The following ZBTB21 variants were observed in gnomAD, a reference collection of about 807,000 sequenced individuals.
ZBTB21 encodes zinc finger and BTB domain-containing protein 21.
In ZBTB21, 10 loss-of-function variants were observed where a neutral mutation model predicts 39.8. The ratio of observed to expected loss-of-function variants is 0.25; its 90% CI spans 0.16 to 0.43. The LOEUF (loss-of-function observed/expected upper bound fraction) is 0.43, where lower values mean the gene tolerates loss of function less well. Ranked by LOEUF, ZBTB21 falls within the 20% of genes least tolerant of loss-of-function variation. ZBTB21 has a pLI of 1.00. For synonymous variants in ZBTB21, 551 were observed against 498.8 expected (o/e 1.10, Z -1.40); for missense variants, 1,221 against 1,296.3 (o/e 0.94, Z 0.89).
At chr21:42,010,130 GAA>G (rs1177696993) in intron 1 of ZBTB21, 120 bp downstream of exon 1, 3 of 388,650 alleles carry the variant, frequency 7.7e-6, no homozygotes, top group Non-Finnish European at 1.4e-5. Flanking sequence ...CGCTGGTGGA[GAA>G]AAAAGAGGAG....
In ZBTB21 at chr21:41,993,901, C is replaced by T. The variant is rs758118890; in HGVS notation, c.195G>A (p.Glu65=). 7 of 1,614,078 alleles carry T rather than the reference C, an allele frequency of 4.3e-6. No homozygotes were observed. Among genetic ancestry groups the T allele is most frequent in the Non-Finnish European group, 5.1e-6 (6 of 1,179,972 alleles). The change falls in exon 3 of 3, where the codon GAG becomes GAA. Residue 65 remains glutamate, a synonymous_variant. Coordinates refer to ENST00000310826, the MANE Select transcript of ZBTB21 (RefSeq NM_001098402.2). ...FQSLFTNKEN[E]SQTVFQLDFC... ...AGTCAAGCTGAAATACAGTTTGTGACTCATTTTCCTTATTTGTGAATAAAC... is the reference window on the plus strand; with the variant it reads ...AGTCAAGCTGAAATACAGTTTGTGATTCATTTTCCTTATTTGTGAATAAAC...
chr21:42,002,666 TA>T (rs922026953), intron 2 of ZBTB21: 1 of 152,150 alleles, frequency 6.6e-6, no homozygotes, highest in African/African-American at 2.4e-5. Flanking sequence ...ATCTTACACA[TA>T]AACACGCACT....
chr21:41,992,763 G>A lies in ZBTB21; in HGVS notation c.1333C>T (p.Arg445Cys), dbSNP rs778362506. The A allele has an allele frequency of 2.2e-5, 35 of 1,613,966 alleles. No homozygotes were observed. Among genetic ancestry groups the A allele is most frequent in the East Asian group, 4.5e-5 (2 of 44,892 alleles). ...GTTGCCGCATCTCCCACAGTGACGC[G>A]GATGATGTCCGAGGGGTCCGACAGC... The part of the protein sequence containing the change: ...SPLSDPSDII[R>C]VTVGDAATTA... The change falls in exon 3 of 3, where the codon CGC (arginine) becomes TGC (cysteine). Residue 445 changes from arginine to cysteine, a missense_variant. Transcript: ENST00000310826. The surrounding 1 kb of genome is among the most constrained non-coding windows in gnomAD (Gnocchi z 4.1).
chr21:42,003,272 G>A (rs916457437), intron 1 of ZBTB21, among the ~76,000 whole-genome samples: 8 of 152,210 alleles, frequency 5.3e-5, no homozygotes, highest in African/African-American at 1.9e-4. Context: ...TCCCCTCACA[G>A]ATGCTTGCGT....
chr21:42,004,950 G>A (rs574181842), intron 1 of ZBTB21, among the ~76,000 whole-genome samples: 9 of 152,222 alleles, frequency 5.9e-5, no homozygotes, highest in Non-Finnish European at 8.8e-5. Context: ...CTCACTTGGT[G>A]ACAACGCAAA....
rs1185095769 is a variant in ZBTB21, at chr21:41,988,475, ATAAAG to A, written c.*2415_*2419del. Reference sequence around the variant, plus strand: ...AAACATTCTTAAAAAACTTTACTGAATAAAGTAATTAACATATCTTTCATTATTTT... The same window carrying A: ...AAACATTCTTAAAAAACTTTACTGAATAATTAACATATCTTTCATTATTTT... On this transcript the variant is annotated 3_prime_UTR_variant, in exon 3 of 3. Transcript: ENST00000310826. The A allele has an allele frequency of 6.6e-6, 1 of 152,244 alleles. No homozygotes were observed. The highest frequency in any genetic ancestry group is 1.5e-5 in the Non-Finnish European group (1 of 68,030). The allele number at this position is 152,244 out of a possible 1,614,324, so 9.4% of individuals were successfully genotyped here.
In ZBTB21 at chr21:41,993,673, T is replaced by A; in HGVS notation, c.423A>T (p.Glu141Asp). ...NRKKVFVEDD[E>D]NSSQKRSVIV... is the part of the protein sequence containing the mutation. ...TGACACTTCTCTTTTGAGAACTGTT[T>A]TCATCATCTTCTACAAACACTTTTT... The change falls in exon 3 of 3, where the codon GAA (glutamate) becomes GAT (aspartate). Residue 141 changes from glutamate (E) to aspartate (D), a missense_variant. By Grantham distance (45) the Glu-to-Asp change is conservative. This residue lies in a region of ZBTB21 where 500 missense variants were observed against 465.6 expected (regional missense o/e 1.07). Coordinates refer to ENST00000310826, the MANE Select transcript of ZBTB21 (RefSeq NM_001098402.2). 1 of 1,614,216 alleles carries A rather than the reference T, an allele frequency of 6.2e-7. No individual in the cohort carries two copies. Among genetic ancestry groups the A allele is most frequent in the South Asian group, 1.1e-5 (1 of 91,080 alleles).
chr21:41,991,300 G>A lies in ZBTB21; in HGVS notation c.2796C>T (p.Cys932=), dbSNP rs139700071. 183 of 1,612,692 alleles carry A rather than the reference G, an allele frequency of 1.1e-4. No individual in the cohort carries two copies. In the African/African-American group the frequency reaches 2.1e-3, roughly 18 times the overall value. Residue 932 remains cysteine, a synonymous_variant, in exon 3 of 3, where the codon TGC becomes TGT. Coordinates refer to ENST00000310826, the MANE Select transcript of ZBTB21 (RefSeq NM_001098402.2). This position sits in a 1 kb window ranked among gnomAD's most constrained non-coding sequence, Gnocchi z 4.9. ...CGTGACAAATAAATGGTTTCACAGA[G>A]CACAGAAGCTCCTGGTGACGCTCCA... The part of the protein sequence containing the change: ...KQLERHQELL[C]SVKPFICHVC...
chr21:42,009,960 C>A lies in ZBTB21; in HGVS notation c.-79+292G>T, dbSNP rs138631540. 4.1e-4 allele frequency among the ~76,000 whole-genome samples: 62 copies of A among 152,334 alleles called. 1 individual carries two copies. The East Asian group carries it at 5.8e-3, about 14-fold the overall frequency. ...AGCTCGGCCAGGGTGAAGAGTGAAGCCCGTGAGGGAATGGAGCATGCGCAT... is the reference window on the plus strand; with the variant it reads ...AGCTCGGCCAGGGTGAAGAGTGAAGACCGTGAGGGAATGGAGCATGCGCAT... On this transcript the variant is annotated intron_variant, in intron 1 of 2. Transcript: ENST00000310826.
intron 1 of ZBTB21, among the ~76,000 whole-genome samples, chr21:42,006,564 C>T (rs1423266634): frequency 1.3e-5 from 2 of 152,112 alleles, no homozygotes; most frequent in Admixed American, 1.3e-4. Context: ...AGTCCTAGAA[C>T]TCACCTAAAC....
Position 41,993,162 on chromosome 21 carries a change from T to C in ZBTB21, c.934A>G (p.Lys312Glu), listed in dbSNP as rs776091446. ...CTGGATGGGATCACTAAGCCTAACT[T>C]TGAATAGTACAACAAGTTTCTATCT... ...GEDRNLLYYS[K>E]LGLVIPSSGS... is the part of the protein sequence containing the mutation. The change falls in exon 3 of 3, where the codon AAG (lysine) becomes GAG (glutamate). Residue 312 changes from lysine to glutamate, a missense_variant. Around this residue, in one of 4 missense-constraint regions of ZBTB21, gnomAD observed 500 missense variants for 465.6 expected, o/e 1.07. Coordinates refer to ENST00000310826, the MANE Select transcript of ZBTB21 (RefSeq NM_001098402.2). 2 of 1,614,092 alleles carry C rather than the reference T, an allele frequency of 1.2e-6. No homozygotes were observed. The highest frequency in any genetic ancestry group is 1.7e-5 in the Admixed American group (1 of 60,034).
intron 2 of ZBTB21, among the ~76,000 whole-genome samples, chr21:41,994,966 G>A (rs1340273935): frequency 6.6e-6 from 1 of 152,196 alleles, no homozygotes; most frequent in Non-Finnish European, 1.5e-5. Flanking sequence ...CTGCTGCCAT[G>A]TGAGATGTGA....
chr21:41,997,261 A>G (rs903190511), intron 2 of ZBTB21, among the ~76,000 whole-genome samples: 1 of 152,116 alleles, frequency 6.6e-6, no homozygotes, highest in African/African-American at 2.4e-5. Flanking sequence ...GGAAAGCAAA[A>G]AATTATTTGC....
chr21:42,010,322 C>T lies in ZBTB21; in HGVS notation c.-149G>A, dbSNP rs1231849093. On this transcript the variant is annotated 5_prime_UTR_variant, in exon 1 of 3. Transcript: ENST00000310826. ...CTCGGCTCGCGCGCGCCGCAGCCGC[C>T]GCTGCCGCTGTGATTCCATCCATCT... is the stretch of plus-strand genomic sequence containing the variant. The T allele has an allele frequency of 5.0e-6, 2 of 398,276 alleles. No homozygotes were observed. The highest frequency in any genetic ancestry group is 8.9e-6 in the Non-Finnish European group (2 of 225,880). The allele number at this position is 398,276 out of a possible 1,614,324, so 24.7% of individuals were successfully genotyped here. A position where few individuals can be genotyped will look rare whatever the true frequency, so the allele number is the denominator to read the frequency against.
In ZBTB21 at chr21:41,989,680, C is replaced by G. The variant is rs1453124122; in HGVS notation, c.*1215G>C. 1 of 152,126 alleles carries G rather than the reference C, an allele frequency of 6.6e-6. No individual in the cohort carries two copies. The highest frequency in any genetic ancestry group is 2.4e-5 in the African/African-American group (1 of 41,438). The allele number at this position is 152,126 out of a possible 1,614,324, so 9.4% of individuals were successfully genotyped here. A position where few individuals can be genotyped will look rare whatever the true frequency, so the allele number is the denominator to read the frequency against. ...TTGGACCACTGATAGTGCTCTAATACCTATTTTTGAAATATTAAGCAATGA... is the reference window on the plus strand; with the variant it reads ...TTGGACCACTGATAGTGCTCTAATAGCTATTTTTGAAATATTAAGCAATGA... On this transcript the variant is annotated 3_prime_UTR_variant, in exon 3 of 3. Coordinates refer to ENST00000310826, the MANE Select transcript of ZBTB21 (RefSeq NM_001098402.2).
intron 1 of ZBTB21, among the ~76,000 whole-genome samples, chr21:42,006,329 C>T (rs1469188216): frequency 6.6e-6 from 1 of 151,772 alleles, no homozygotes; most frequent in East Asian, 1.9e-4. Flanking sequence ...GCAGGAGAAT[C>T]GCTTGAACCT....
intron 2 of ZBTB21, among the ~76,000 whole-genome samples, chr21:42,000,032 G>A (rs2065798782): frequency 6.6e-6 from 1 of 152,182 alleles, no homozygotes; most frequent in Admixed American, 6.5e-5. Context: ...GCAGTCCACT[G>A]TAATGACCCA....
chr21:41,992,073 A>G lies in ZBTB21; in HGVS notation c.2023T>C (p.Cys675Arg), dbSNP rs1439357201. The G allele has an allele frequency of 6.2e-7, 1 of 1,614,228 alleles. No homozygotes were observed. The highest frequency in any genetic ancestry group is 1.3e-5 in the African/African-American group (1 of 75,046). The change falls in exon 3 of 3, where the codon TGC (cysteine) becomes CGC (arginine). Residue 675 changes from cysteine to arginine, a missense_variant. Physicochemically the swap from Cys to Arg is radical, Grantham distance 180. Transcript: ENST00000310826. This position sits in a 1 kb window ranked among gnomAD's most constrained non-coding sequence, Gnocchi z 4.1. ...GAGAGAAAGCGGTACGCTTTTCCGCAGTAAGTACAAATGTAAGCTCCTTTG... is the reference window on the plus strand; with the variant it reads ...GAGAGAAAGCGGTACGCTTTTCCGCGGTAAGTACAAATGTAAGCTCCTTTG... ...RAKGAYICTY[C>R]GKAYRFLSQF...
intron 1 of ZBTB21, among the ~76,000 whole-genome samples, chr21:42,010,015 G>C (rs1482902257): frequency 6.6e-6 from 1 of 152,262 alleles, no homozygotes; most frequent in Non-Finnish European, 1.5e-5. Context: ...TGCTGGCAGG[G>C]AGCGTGCGCA....
Sources: gnomAD v4.1 joint callset for allele counts (sites outside exome capture counted in the v4.1 genomes callset) on GRCh38, gnomAD v4.1.1 for gene constraint, gnomAD v4.1.1 regional missense constraint, Gnocchi (gnomAD v3.1) non-coding constraint, MANE v1.5 for transcripts, NCBI Gene and HGNC (gene_info 2026-07-23, HGNC 2026-07-21) for gene names.